Variants in PLXNA4 observed in about 807,000 individuals in gnomAD.
The protein encoded by PLXNA4 is plexin-A4.
PLXNA4 carries 44 observed loss-of-function variants against 191.8 expected under a neutral mutation model. The ratio of observed to expected loss-of-function variants is 0.23; its 90% CI spans 0.18 to 0.29. The LOEUF is 0.29. Ranked by LOEUF, PLXNA4 falls within the 10% of genes least tolerant of loss-of-function variation. The pLI is 1.00. For synonymous variants in PLXNA4, 1,082 were observed against 1,009.5 expected (o/e 1.07, Z -1.36); for missense variants, 1,800 against 2,488.8 (o/e 0.72, Z 5.89).
At chr7:132,628,427 A>G (rs1043829306) in intron 2 of PLXNA4, among the ~76,000 whole-genome samples, 2 of 150,304 alleles carry the variant, frequency 1.3e-5, no homozygotes, top group African/African-American at 2.5e-5. Context: ...CATTTTGAAA[A>G]TTCATATTTT....
chr7:132,361,430 T>C (rs1803937458), intron 3 of PLXNA4, among the ~76,000 whole-genome samples: 1 of 152,132 alleles, frequency 6.6e-6, no homozygotes, highest in Non-Finnish European at 1.5e-5. Flanking sequence ...GATGGGTGAA[T>C]TTAGTAAAGG....
chr7:132,332,690 A>C (rs562071733), intron 3 of PLXNA4, among the ~76,000 whole-genome samples: 2 of 151,940 alleles, frequency 1.3e-5, no homozygotes, highest in South Asian at 4.2e-4. Flanking sequence ...TTCTAAAAAA[A>C]AAAAAATACA....
intron 28 of PLXNA4, among the ~76,000 whole-genome samples, chr7:132,145,915 C>CA (rs397778925): frequency 0.64 from 59,228 of 92,432 alleles, 17,329 homozygotes; most frequent in East Asian, 0.7. Flanking sequence ...ACTAAAAATA[C>CA]AAAAAAAAAA....
intron 3 of PLXNA4, among the ~76,000 whole-genome samples, chr7:132,347,622 C>T (rs1803298470): frequency 6.6e-6 from 1 of 152,132 alleles, no homozygotes; most frequent in Non-Finnish European, 1.5e-5. Context: ...GAGAGGCAGT[C>T]TGAGGGTCTA....
In PLXNA4 at chr7:132,562,720, T is replaced by C. The variant is rs1476825388; in HGVS notation, c.-87+13702A>G. On this transcript the variant is annotated intron_variant, in intron 1 of 31. Transcript: ENST00000321063. ...TCCTCCTCCTTCACCTCCTCCTCCT[T>C]TTCCTCGTCCTCCTCCTTCTCCTCC... Among the ~76,000 whole-genome samples, 16 of 60,758 alleles carry C rather than the reference T, an allele frequency of 2.6e-4. 1 individual carries two copies. The highest frequency in any genetic ancestry group is 8.0e-4 in the South Asian group (1 of 1,250). The allele number at this position is 60,758 out of a possible 152,430, so 39.9% of individuals were successfully genotyped here. A position where few individuals can be genotyped will look rare whatever the true frequency, so the allele number is the denominator to read the frequency against.
At chr7:132,146,406 C>G (rs1402454761) in intron 28 of PLXNA4, 104 bp downstream of exon 28, 2 of 1,589,148 alleles carry the variant, frequency 1.3e-6, no homozygotes, top group East Asian at 2.2e-5. Flanking sequence ...AGAGTGGGCA[C>G]CAGCATGAAT....
rs117300393 is a variant in PLXNA4 at position 132,372,665 on chromosome 7, A to T, written c.1372-74443T>A. Among the ~76,000 whole-genome samples the T allele has an allele frequency of 6.6e-3, 1,008 of 152,356 alleles. 7 individuals carry two copies. The highest frequency in any genetic ancestry group is 0.037 in the Middle Eastern group (11 of 294). On this transcript the variant is annotated intron_variant, in intron 3 of 31. Transcript: ENST00000321063. ...CCAGCATGATGCATTAGAGAGATGAAGCCTTTTAGAATCAAACAAAATAGA... is the reference window on the plus strand; with the variant it reads ...CCAGCATGATGCATTAGAGAGATGATGCCTTTTAGAATCAAACAAAATAGA...
chr7:132,373,730 C>T (rs1347765051), intron 3 of PLXNA4, among the ~76,000 whole-genome samples: 1 of 152,048 alleles, frequency 6.6e-6, no homozygotes, highest in Non-Finnish European at 1.5e-5. Context: ...TAATGAGGTG[C>T]CCATGGAAAT....
intron 25 of PLXNA4, among the ~76,000 whole-genome samples, chr7:132,152,369 C>G (rs978550616): frequency 3.9e-5 from 6 of 152,168 alleles, no homozygotes; most frequent in Non-Finnish European, 8.8e-5. Context: ...CACCCTGGTC[C>G]CCTCACGGTG....
intron 1 of PLXNA4, among the ~76,000 whole-genome samples, chr7:132,521,461 C>T (rs1383332012): frequency 2.6e-5 from 4 of 152,282 alleles, no homozygotes; most frequent in African/African-American, 9.6e-5. Flanking sequence ...TTAACACGTG[C>T]TTTAAGGATT....
Position 132,540,479 on chromosome 7 carries a change from G to A in PLXNA4, c.-86-31700C>T, listed in dbSNP as rs573771983. ...GGCCCAGGCAAACATTTTCCAACAC[G>A]GTGTTAGTAGGAATTCCCCAAATTT... On this transcript the variant is annotated intron_variant, in intron 1 of 31. Transcript: ENST00000321063. Among the ~76,000 whole-genome samples the A allele has an allele frequency of 2.1e-3, 320 of 151,310 alleles. 2 individuals are homozygous for A. Among genetic ancestry groups the A allele is most frequent in the African/African-American group, 7.5e-3 (309 of 41,358 alleles).
At chr7:132,352,380 CTG>C (rs1287118798) in intron 3 of PLXNA4, 8 of 152,252 alleles carry the variant, frequency 5.3e-5, no homozygotes, top group Non-Finnish European at 1.0e-4. Flanking sequence ...AGACTTCAGA[CTG>C]TGAGTAGAGC....
intron 2 of PLXNA4, among the ~76,000 whole-genome samples, chr7:132,496,511 C>G (rs1798016946): frequency 6.6e-6 from 1 of 152,132 alleles, no homozygotes; most frequent in Admixed American, 6.5e-5. Context: ...AAGCAATTCT[C>G]CTGCCTCAGC....
intron 3 of PLXNA4, among the ~76,000 whole-genome samples, chr7:132,427,396 T>A (rs1039365307): frequency 2.0e-5 from 3 of 152,120 alleles, no homozygotes; most frequent in African/African-American, 7.2e-5. Context: ...CCCCTCACAC[T>A]CTTCCTTTTT....
intron 3 of PLXNA4, among the ~76,000 whole-genome samples, chr7:132,336,373 G>A (rs1360978190): frequency 1.3e-5 from 2 of 152,166 alleles, no homozygotes; most frequent in African/African-American, 2.4e-5. Context: ...TTTTTCCAGA[G>A]TAGTCTTTCC....
At chr7:132,321,989 G>A (rs1246126750) in intron 3 of PLXNA4, among the ~76,000 whole-genome samples, 2 of 151,942 alleles carry the variant, frequency 1.3e-5, no homozygotes, top group East Asian at 3.9e-4. Context: ...CACCAAATTG[G>A]GCACAATTAT....
At chr7:132,460,054 A>G (rs772676241) in intron 3 of PLXNA4, among the ~76,000 whole-genome samples, 43 of 152,178 alleles carry the variant, frequency 2.8e-4, no homozygotes, top group Non-Finnish European at 2.1e-4. Context: ...TTCAGATACA[A>G]CTGTTTAAAT....
intron 3 of PLXNA4, chr7:132,485,020 A>T (rs1423036479): frequency 8.7e-6 from 14 of 1,609,666 alleles, no homozygotes; most frequent in Non-Finnish European, 1.2e-5. Flanking sequence ...AGGACTAGGG[A>T]ACAAAAGCAA....
intron 1 of PLXNA4, among the ~76,000 whole-genome samples, chr7:132,575,518 G>T (rs1279232804): frequency 6.6e-6 from 1 of 152,210 alleles, no homozygotes; most frequent in African/African-American, 2.4e-5. Context: ...CGAAAGGCAT[G>T]TGACAGGTGT....
Sources: allele counts gnomAD v4.1 joint callset (sites outside exome capture counted in the v4.1 genomes callset), GRCh38; gene constraint gnomAD v4.1.1; transcripts MANE v1.5; gene names NCBI Gene and HGNC (gene_info 2026-07-23, HGNC 2026-07-21).